AKAP6: variants seen among roughly 807,000 people sequenced by gnomAD.
AKAP6 encodes A-kinase anchoring protein 6.
In AKAP6, 58 loss-of-function variants were observed where a neutral mutation model predicts 188.5. The ratio of observed to expected loss-of-function variants is 0.31; its 90% confidence interval spans 0.25 to 0.38. The LOEUF (loss-of-function observed/expected upper bound fraction) is 0.38, where lower values mean the gene tolerates loss of function less well. Among genes scored for constraint, AKAP6 ranks in the 10% least tolerant of loss-of-function variants. The pLI, the probability that AKAP6 is intolerant of heterozygous loss-of-function variation, is 1.00. For synonymous variants in AKAP6, 989 were observed against 998.6 expected, an observed-to-expected ratio of 0.99 and a Z score of 0.18; for missense variants, 2,710 against 2,740.0, an observed-to-expected ratio of 0.99 and a Z score of 0.24.
chr14:32,332,034 G>A (rs1886549396), intron 1 of AKAP6, among the ~76,000 whole-genome samples: 1 of 152,016 alleles, frequency 6.6e-6, no homozygotes, highest in Non-Finnish European at 1.5e-5. Context: ...ATTAAGTTTT[G>A]TGTATATCTT....
chr14:32,380,932 A>G (rs950521209), intron 1 of AKAP6, among the ~76,000 whole-genome samples: 10 of 152,204 alleles, frequency 6.6e-5, no homozygotes, highest in African/African-American at 2.4e-4. Flanking sequence ...CCTTATACAT[A>G]AAACAAATCT....
intron 12 of AKAP6, among the ~76,000 whole-genome samples, chr14:32,816,348 A>AT (rs2034377431): frequency 6.6e-6 from 1 of 152,114 alleles, no homozygotes; most frequent in Admixed American, 6.6e-5. Flanking sequence ...ACATGCCACC[A>AT]TGCCTGGCTA....
intron 11 of AKAP6, among the ~76,000 whole-genome samples, chr14:32,742,477 T>C (rs1164809689): frequency 6.6e-6 from 1 of 152,108 alleles, no homozygotes; most frequent in East Asian, 1.9e-4. Flanking sequence ...TTTGAAGTTT[T>C]TCCTCTTTTT....
In AKAP6 at chr14:32,611,911, A is replaced by G. The variant is rs183046876; in HGVS notation, c.2730+11119A>G. ...GTGAATCAGTGGATCTGTGATTTTC[A>G]GGAAAGGAGGATACATCTTCTGAGT... is the stretch of plus-strand genomic sequence containing the variant. On this transcript the variant is annotated intron_variant, in intron 7 of 13. Coordinates refer to ENST00000280979, the MANE Select transcript of AKAP6 (RefSeq NM_004274.5). Among the ~76,000 whole-genome samples, 372 of 152,304 alleles carry G rather than the reference A, an allele frequency of 2.4e-3. 4 individuals carry two copies. The highest frequency in any genetic ancestry group is 8.3e-3 in the African/African-American group (347 of 41,582).
chr14:32,725,573 G>A (rs969650072), intron 9 of AKAP6, among the ~76,000 whole-genome samples: 1 of 151,980 alleles, frequency 6.6e-6, no homozygotes, highest in Admixed American at 6.6e-5. Flanking sequence ...TTGCAGACTA[G>A]CAATATCATT....
chr14:32,351,127 A>G (rs933099841), intron 1 of AKAP6, among the ~76,000 whole-genome samples: 2 of 152,244 alleles, frequency 1.3e-5, no homozygotes, highest in African/African-American at 4.8e-5. Flanking sequence ...CAAAGGTATC[A>G]AACTGTCGAG....
At chr14:32,706,084 A>G (rs879410577) in intron 9 of AKAP6, among the ~76,000 whole-genome samples, 3 of 152,130 alleles carry the variant, frequency 2.0e-5, no homozygotes, top group African/African-American at 7.2e-5. Flanking sequence ...AATAACTACC[A>G]CAAGAACTAA....
At chr14:32,434,426 T>C (rs1462706886) in intron 2 of AKAP6, among the ~76,000 whole-genome samples, 1 of 152,016 alleles carries the variant, frequency 6.6e-6, no homozygotes, top group Non-Finnish European at 1.5e-5. Flanking sequence ...TGAAATGGAG[T>C]TGCTAGTAAA....
chr14:32,585,244 G>A (rs549675769), intron 5 of AKAP6, among the ~76,000 whole-genome samples: 1 of 152,146 alleles, frequency 6.6e-6, no homozygotes, highest in Non-Finnish European at 1.5e-5. Flanking sequence ...TTTATCTGCA[G>A]CCAATCAGTA....
intron 2 of AKAP6, among the ~76,000 whole-genome samples, chr14:32,450,056 T>C (rs1479043232): frequency 6.6e-6 from 1 of 152,196 alleles, no homozygotes; most frequent in African/African-American, 2.4e-5. Flanking sequence ...GATTTGGAGA[T>C]GGCAGGCCTA....
intron 2 of AKAP6, among the ~76,000 whole-genome samples, chr14:32,523,696 T>C (rs1881976876): frequency 6.6e-6 from 1 of 150,850 alleles, no homozygotes; most frequent in Non-Finnish European, 1.5e-5. Flanking sequence ...CTCGAGCTCC[T>C]GAGCCAAGCG....
chr14:32,594,376 T>C (rs2139330056), intron 5 of AKAP6, among the ~76,000 whole-genome samples: 1 of 152,338 alleles, frequency 6.6e-6, no homozygotes, highest in African/African-American at 2.4e-5. Context: ...ATCTTCATTT[T>C]TTGTGGCATG....
At chr14:32,638,248 G>A (rs367955376) in intron 7 of AKAP6, among the ~76,000 whole-genome samples, 2 of 152,010 alleles carry the variant, frequency 1.3e-5, no homozygotes, top group African/African-American at 2.4e-5. Flanking sequence ...CTCTCTTTGA[G>A]TACTGATGAA....
At chr14:32,479,338 T>C (rs1189385770) in intron 2 of AKAP6, among the ~76,000 whole-genome samples, 1 of 152,184 alleles carries the variant, frequency 6.6e-6, no homozygotes, top group Non-Finnish European at 1.5e-5. Context: ...GTGTGATTAA[T>C]ACATATTCTT....
chr14:32,804,047 C>T (rs1433218682), intron 12 of AKAP6, among the ~76,000 whole-genome samples: 4 of 152,196 alleles, frequency 2.6e-5, no homozygotes, highest in Admixed American at 6.5e-5. Context: ...ACCACCTTAG[C>T]CCAACCTACC....
chr14:32,540,168 C>CTCTCTCTATATATATATATATA (rs1240063339), intron 3 of AKAP6, among the ~76,000 whole-genome samples: 1 of 60,918 alleles, frequency 1.6e-5, no homozygotes, highest in African/African-American at 9.8e-5. Context: ...CTCTCTCTCT[C>CTCTCTCTATATATATATATATA]TATATATATA....
At chr14:32,692,366 G>A (rs917072070) in intron 8 of AKAP6, among the ~76,000 whole-genome samples, 26 of 151,974 alleles carry the variant, frequency 1.7e-4, no homozygotes, top group Non-Finnish European at 3.5e-4. Context: ...TAATTTATTT[G>A]AAAACTATTC....
intron 3 of AKAP6, among the ~76,000 whole-genome samples, chr14:32,536,312 G>A (rs542368033): frequency 1.3e-5 from 2 of 152,292 alleles, no homozygotes; most frequent in South Asian, 4.1e-4. Flanking sequence ...GAGACGTAAA[G>A]GAGAGACAGG....
intron 11 of AKAP6, among the ~76,000 whole-genome samples, chr14:32,750,755 T>G (rs1230143520): frequency 1.7e-4 from 26 of 150,740 alleles, no homozygotes; most frequent in Non-Finnish European, 3.0e-4. Flanking sequence ...TTTTTTGTTT[T>G]TTTTTCAGAT....
Sources: allele counts gnomAD v4.1 joint callset (sites outside exome capture counted in the v4.1 genomes callset), GRCh38; gene constraint gnomAD v4.1.1; transcripts MANE v1.5; gene names NCBI Gene and HGNC (gene_info 2026-07-23, HGNC 2026-07-21).